RAB11A: variants seen among roughly 807,000 people sequenced by gnomAD.
RAB11A encodes ras-related protein Rab-11A.
A neutral mutation model predicts 28.0 loss-of-function variants in RAB11A; 9 were observed. That is an observed-to-expected ratio of 0.32 (90% CI 0.19 to 0.56). The LOEUF is 0.56. Among genes scored for constraint, RAB11A ranks in the 20% least tolerant of loss-of-function variants. The probability of loss-of-function intolerance (pLI) is 0.91; values close to 1 mark genes in which losing one functional copy is unlikely to be tolerated. For missense variants in RAB11A, 108 were observed against 269.6 expected, an observed-to-expected ratio of 0.40 and a Z score of 4.20; for synonymous variants, 85 against 88.2, an observed-to-expected ratio of 0.96 and a Z score of 0.20.
chr15:65,887,777 T>C lies in RAB11A; in HGVS notation c.588T>C (p.Val196=). Residue 196 remains valine (V), a synonymous_variant, in exon 5 of 5, where the codon GTT becomes GTC. Coordinates refer to ENST00000261890, the MANE Select transcript of RAB11A (RefSeq NM_004663.5). ...ACATGTCTCCAAGCAACAATGTGGT[T>C]CCTATTCATGTTCCACCAACCACTG... ...ENDMSPSNNV[V]PIHVPPTTEN... 6.2e-7 allele frequency: 1 copy of C among 1,613,870 alleles called. No homozygotes were observed. The highest frequency in any genetic ancestry group is 8.5e-7 in the Non-Finnish European group (1 of 1,179,888).
intron 1 of RAB11A, among the ~76,000 whole-genome samples, chr15:65,870,446 C>G (rs539827831): frequency 1.2e-4 from 19 of 152,340 alleles, no homozygotes; most frequent in African/African-American, 4.6e-4. Flanking sequence ...GACATTACTT[C>G]CCACCTAGCC....
chr15:65,870,282 T>A (rs1488860079), intron 1 of RAB11A, among the ~76,000 whole-genome samples: 1 of 152,030 alleles, frequency 6.6e-6, no homozygotes, highest in Non-Finnish European at 1.5e-5. Context: ...GACCGCTCCC[T>A]CTCCCACTCC....
At chr15:65,881,899 A>C (rs969360091) in intron 4 of RAB11A, among the ~76,000 whole-genome samples, 32 of 147,882 alleles carry the variant, frequency 2.2e-4, no homozygotes, top group South Asian at 6.4e-4. Flanking sequence ...AAAAAAAAAA[A>C]AACACAAAAA....
chr15:65,870,804 A>C (rs1405838419), intron 1 of RAB11A, among the ~76,000 whole-genome samples: 2 of 152,088 alleles, frequency 1.3e-5, no homozygotes. Context: ...TGGACAGAAC[A>C]TATTGGAGGG....
intron 4 of RAB11A, among the ~76,000 whole-genome samples, chr15:65,880,652 T>C (rs1479247482): frequency 5.3e-5 from 8 of 152,232 alleles, no homozygotes. Flanking sequence ...TAACATGTTA[T>C]CTTCTTTTAC....
chr15:65,870,954 T>G (rs1187525368), intron 1 of RAB11A, among the ~76,000 whole-genome samples: 1 of 152,092 alleles, frequency 6.6e-6, no homozygotes, highest in African/African-American at 2.4e-5. Context: ...GTGAATGCAC[T>G]CTCACTCTGA....
chr15:65,880,566 T>C (rs1447534687), intron 4 of RAB11A, among the ~76,000 whole-genome samples: 1 of 152,228 alleles, frequency 6.6e-6, no homozygotes. Context: ...TGATTGAGTT[T>C]CCAATTATAA....
rs1037450547 is a variant in RAB11A, at chr15:65,877,507, A to C, written c.216A>C (p.Arg72=). The C allele has an allele frequency of 2.5e-6, 4 of 1,613,984 alleles. No homozygotes were observed. In the African/African-American group the frequency reaches 5.3e-5, roughly 22 times the overall value. ...TATGGGACACAGCAGGGCAAGAGCG[A>C]TATCGAGCTATAACATCAGCGTAAG... ...AQIWDTAGQE[R]YRAITSAYYR... The change falls in exon 2 of 5, where the codon CGA becomes CGC. Residue 72 remains arginine, a synonymous_variant. Coordinates refer to ENST00000261890, the MANE Select transcript of RAB11A (RefSeq NM_004663.5). This position sits in a 1 kb window ranked among gnomAD's most constrained non-coding sequence, Gnocchi z 4.1.
chr15:65,890,113 A>G lies in RAB11A; in HGVS notation c.*2273A>G, dbSNP rs994428007. 1 of 150,966 alleles carries G rather than the reference A, an allele frequency of 6.6e-6. No individual in the cohort carries two copies. 9.4% of individuals were successfully genotyped at this position (150,966 alleles called of 1,614,324 possible). A position where few individuals can be genotyped will look rare whatever the true frequency, so the allele number is the denominator to read the frequency against. ...TGCTCTGTTGCCCAGGCTGGAGTAC[A>G]ATGGCACCATCTCAGCTCACTGCAA... On this transcript the variant is annotated 3_prime_UTR_variant, in exon 5 of 5. Transcript: ENST00000261890.
intron 4 of RAB11A, among the ~76,000 whole-genome samples, chr15:65,880,110 A>G (rs1198754421): frequency 6.6e-6 from 1 of 152,200 alleles, no homozygotes; most frequent in African/African-American, 2.4e-5. Context: ...CCTTTTTTAA[A>G]TTTAGTAAAG....
chr15:65,875,236 C>A (rs2078185169), intron 1 of RAB11A, among the ~76,000 whole-genome samples: 1 of 151,840 alleles, frequency 6.6e-6, no homozygotes, highest in Admixed American at 6.6e-5. Context: ...CCGTGCCTGT[C>A]TAATTTTTTT....
intron 1 of RAB11A, among the ~76,000 whole-genome samples, chr15:65,870,952 A>G (rs2078156815): frequency 6.6e-6 from 1 of 151,810 alleles, no homozygotes; most frequent in Admixed American, 6.6e-5. Flanking sequence ...CAGTGAATGC[A>G]CTCTCACTCT....
intron 4 of RAB11A, among the ~76,000 whole-genome samples, chr15:65,880,798 A>G (rs2078217538): frequency 6.6e-6 from 1 of 152,170 alleles, no homozygotes. Context: ...TAATTTCTCC[A>G]TCTATAAAAT....
intron 1 of RAB11A, among the ~76,000 whole-genome samples, chr15:65,872,100 C>T (rs1438863799): frequency 2.0e-5 from 3 of 151,164 alleles, no homozygotes; most frequent in Non-Finnish European, 2.9e-5. Flanking sequence ...ACTACAGGAG[C>T]GCGCCACCAC....
At chr15:65,880,349 A>C (rs767195387) in intron 4 of RAB11A, among the ~76,000 whole-genome samples, 16 of 152,306 alleles carry the variant, frequency 1.1e-4, no homozygotes, top group Admixed American at 1.3e-4. Context: ...TGAGATAAGA[A>C]GTGTTCACTC....
At position 65,877,742 on chromosome 15, in the gene RAB11A, A is replaced by G. The variant is rs74845010; in HGVS notation, c.237-20A>G. On this transcript the variant is annotated intron_variant, in intron 2 of 4. Transcript: ENST00000261890. The surrounding 1 kb of genome is among the most constrained non-coding windows in gnomAD (Gnocchi z 4.1). ...TTCCATCTTGTGGTTTTCTGATACT[A>G]AATATGTTTCTGTTTTCAGATATTA... 129,296 of 1,551,470 alleles carry G rather than the reference A, an allele frequency of 0.083. 6,205 individuals carry two copies. Among genetic ancestry groups the G allele is most frequent in the Non-Finnish European group, 0.098 (110,915 of 1,137,568 alleles).
intron 4 of RAB11A, among the ~76,000 whole-genome samples, chr15:65,881,760 C>T (rs1178918870): frequency 1.3e-5 from 2 of 151,418 alleles, no homozygotes; most frequent in Non-Finnish European, 2.9e-5. Context: ...CTGAGGCAGG[C>T]GGATCGCTTG....
intron 1 of RAB11A, among the ~76,000 whole-genome samples, chr15:65,875,835 C>T (rs575090046): frequency 1.3e-5 from 2 of 152,360 alleles, no homozygotes; most frequent in South Asian, 2.1e-4. Flanking sequence ...ACTCGTACCA[C>T]CATCCCAGTC....
At chr15:65,870,898 A>T (rs2078156382) in intron 1 of RAB11A, among the ~76,000 whole-genome samples, 1 of 152,084 alleles carries the variant, frequency 6.6e-6, no homozygotes, top group Non-Finnish European at 1.5e-5. Flanking sequence ...GATAAAGGGT[A>T]CATTTTTCAA....
Sources: gnomAD v4.1 joint callset for allele counts (sites outside exome capture counted in the v4.1 genomes callset) on GRCh38, gnomAD v4.1.1 for gene constraint, Gnocchi (gnomAD v3.1) non-coding constraint, MANE v1.5 for transcripts, NCBI Gene and HGNC (gene_info 2026-07-23, HGNC 2026-07-21) for gene names.